Variants in IL1RAPL1 observed in about 807,000 individuals in gnomAD.
The protein encoded by IL1RAPL1 is interleukin 1 receptor accessory protein like 1.
In IL1RAPL1, 3 loss-of-function variants were observed where a neutral mutation model predicts 48.4. The ratio of observed to expected loss-of-function variants is 0.06; its 90% confidence interval spans 0.03 to 0.16. The LOEUF (loss-of-function observed/expected upper bound fraction) is 0.16. Ranked by LOEUF, IL1RAPL1 falls within the 10% of genes least tolerant of loss-of-function variation. IL1RAPL1 has a pLI of 1.00. For missense variants in IL1RAPL1, 349 were observed against 530.6 expected (o/e 0.66, Z 3.36); for synonymous variants, 185 against 187.7 (o/e 0.99, Z 0.12).
At chrX:28,604,057 G>A (rs1005065678) in intron 1 of IL1RAPL1, among the ~76,000 whole-genome samples, 2 of 112,388 alleles carry the variant, frequency 1.8e-5, no homozygotes, top group Non-Finnish European at 3.8e-5. Context: ...GCAATGCCAA[G>A]ATAGACTGAA....
intron 1 of IL1RAPL1, among the ~76,000 whole-genome samples, chrX:28,616,869 A>G (rs908884692): frequency 4.4e-5 from 5 of 112,750 alleles, no homozygotes; most frequent in East Asian, 2.8e-4. Context: ...GGAGATATCC[A>G]TAACTAAATC....
chrX:29,378,127 G>T (rs1320049312), intron 3 of IL1RAPL1, among the ~76,000 whole-genome samples: 1 of 107,829 alleles, frequency 9.3e-6, no homozygotes, highest in Admixed American at 1.0e-4. Context: ...AAGTCTTTGA[G>T]CTATGAGATT....
At chrX:29,064,004 C>T (rs772218815) in intron 2 of IL1RAPL1, among the ~76,000 whole-genome samples, 1 of 111,918 alleles carries the variant, frequency 8.9e-6, no homozygotes, top group Non-Finnish European at 1.9e-5. Flanking sequence ...CCTTCAGGTA[C>T]ACCTATAGAA....
chrX:28,828,432 C>T (rs1189037513), intron 2 of IL1RAPL1, among the ~76,000 whole-genome samples: 1 of 111,543 alleles, frequency 9.0e-6, no homozygotes, highest in Non-Finnish European at 1.9e-5. Context: ...ATTCTTTCCC[C>T]ATATTTTAAT....
chrX:29,631,043 G>A (rs911190432), intron 5 of IL1RAPL1, among the ~76,000 whole-genome samples: 1 of 111,146 alleles, frequency 9.0e-6, no homozygotes, highest in Non-Finnish European at 1.9e-5. Context: ...ATATATTCCT[G>A]TTCTAAGAAT....
chrX:29,639,176 A>G (rs1297856239), intron 5 of IL1RAPL1, among the ~76,000 whole-genome samples: 2 of 93,028 alleles, frequency 2.1e-5, no homozygotes, highest in East Asian at 7.1e-4. Flanking sequence ...ACAAAGCGAG[A>G]CTCCGTCTCA....
chrX:28,625,385 ACCTACTGG>A (rs1394192370), intron 1 of IL1RAPL1, among the ~76,000 whole-genome samples: 1 of 112,084 alleles, frequency 8.9e-6, no homozygotes, highest in Non-Finnish European at 1.9e-5. Flanking sequence ...CAGATCAGCC[ACCTACTGG>A]GCCCTTGTTC....
intron 2 of IL1RAPL1, among the ~76,000 whole-genome samples, chrX:29,236,726 ATT>A (rs386416818): frequency 1.1e-5 from 1 of 87,132 alleles, no homozygotes. Flanking sequence ...CGCCTGGCTA[ATT>A]TTTTTTTTTT....
intron 1 of IL1RAPL1, among the ~76,000 whole-genome samples, chrX:28,692,352 T>A (rs1394777315): frequency 9.0e-6 from 1 of 111,600 alleles, no homozygotes; most frequent in Non-Finnish European, 1.9e-5. Context: ...CAGCCTATCA[T>A]TAGCAGAGAG....
At chrX:28,870,752 T>G (rs777976516) in intron 2 of IL1RAPL1, among the ~76,000 whole-genome samples, 3 of 111,656 alleles carry the variant, frequency 2.7e-5, no homozygotes, top group Admixed American at 9.6e-5. Flanking sequence ...TGACCACCTA[T>G]GTGTTCTACT....
intron 1 of IL1RAPL1, among the ~76,000 whole-genome samples, chrX:28,767,715 ATGTG>A (rs35909020): frequency 0.43 from 44,027 of 101,421 alleles, 7,150 homozygotes; most frequent in Middle Eastern, 0.62. Flanking sequence ...AGCCTGGGGG[ATGTG>A]TGTGTGTGTG....
At chrX:28,899,793 A>G (rs1923027653) in intron 2 of IL1RAPL1, among the ~76,000 whole-genome samples, 1 of 111,676 alleles carries the variant, frequency 9.0e-6, no homozygotes, top group South Asian at 3.8e-4. Flanking sequence ...TAGAGGGCTC[A>G]GTGGGTCAGT....
intron 5 of IL1RAPL1, among the ~76,000 whole-genome samples, chrX:29,542,733 T>C (rs950194180): frequency 2.7e-5 from 3 of 112,275 alleles, no homozygotes; most frequent in Non-Finnish European, 5.6e-5. Context: ...TTGAGCATAT[T>C]TGATGCCTGT....
At chrX:29,652,693 G>T (rs1044911700) in intron 5 of IL1RAPL1, among the ~76,000 whole-genome samples, 2 of 111,483 alleles carry the variant, frequency 1.8e-5, no homozygotes, top group Non-Finnish European at 3.8e-5. Context: ...AAAAATGTGA[G>T]CAAGCCCAGC....
chrX:29,263,506 A>G (rs1931896297), intron 2 of IL1RAPL1, among the ~76,000 whole-genome samples: 1 of 112,041 alleles, frequency 8.9e-6, no homozygotes, highest in Non-Finnish European at 1.9e-5. Context: ...TACTCCTACA[A>G]TATTTGCCTG....
At chrX:29,483,427 G>A (rs1264926650) in intron 5 of IL1RAPL1, among the ~76,000 whole-genome samples, 1 of 111,235 alleles carries the variant, frequency 9.0e-6, no homozygotes, top group African/African-American at 3.3e-5. Flanking sequence ...GGTGATGTCC[G>A]TATGCTACCA....
At chrX:28,827,725 G>A (rs1380771774) in intron 2 of IL1RAPL1, among the ~76,000 whole-genome samples, 1 of 111,439 alleles carries the variant, frequency 9.0e-6, no homozygotes. Flanking sequence ...TAAAATGTGG[G>A]TTGTTTTGCT....
At chrX:29,699,397 A>T (rs946355897) in intron 6 of IL1RAPL1, among the ~76,000 whole-genome samples, 1 of 112,617 alleles carries the variant, frequency 8.9e-6, no homozygotes, top group Non-Finnish European at 1.9e-5. Flanking sequence ...ATTGTCCAGC[A>T]TGCTGGATTC....
intron 5 of IL1RAPL1, among the ~76,000 whole-genome samples, chrX:29,518,387 A>T (rs914121873): frequency 9.0e-6 from 1 of 111,058 alleles, no homozygotes; most frequent in South Asian, 3.8e-4. Context: ...AGTGATGCCA[A>T]TGTTGCTGGT....
Sources: allele counts gnomAD v4.1 joint callset (sites outside exome capture counted in the v4.1 genomes callset), GRCh38; gene constraint gnomAD v4.1.1; transcripts MANE v1.5; gene names NCBI Gene and HGNC (gene_info 2026-07-23, HGNC 2026-07-21).